Variants in ZZEF1 observed in about 807,000 individuals in gnomAD.
ZZEF1 encodes the protein zinc finger ZZ-type and EF-hand domain-containing protein 1.
In ZZEF1, 157 loss-of-function variants were observed where a neutral mutation model predicts 342.8. The ratio of observed to expected loss-of-function variants is 0.46; its 90% CI spans 0.40 to 0.52. ZZEF1 has a LOEUF of 0.52. Among genes scored for constraint, ZZEF1 ranks in the 20% least tolerant of loss-of-function variants. The pLI, the probability that ZZEF1 is intolerant of heterozygous loss-of-function variation, is 0.00. For synonymous variants in ZZEF1, 1,505 were observed against 1,429.1 expected (o/e 1.05, Z -1.20); for missense variants, 3,480 against 3,725.6 (o/e 0.93, Z 1.72).
intron 30 of ZZEF1, among the ~76,000 whole-genome samples, chr17:4,060,958 C>T (rs578236289): frequency 6.6e-6 from 1 of 152,346 alleles, no homozygotes; most frequent in East Asian, 1.9e-4. Flanking sequence ...TTCCCACCAA[C>T]ACACAGAAGT....
At chr17:4,111,431 G>A (rs201502461) in intron 5 of ZZEF1, among the ~76,000 whole-genome samples, 4 of 152,050 alleles carry the variant, frequency 2.6e-5, no homozygotes, top group East Asian at 1.9e-4. Flanking sequence ...AGGCCGAGGC[G>A]GGCGGATCAT....
In ZZEF1 at chr17:4,009,688, A is replaced by T. The variant is rs2055895241; in HGVS notation, c.8649T>A (p.Phe2883Leu). 1 of 1,613,984 alleles carries T rather than the reference A, an allele frequency of 6.2e-7. No individual in the cohort carries two copies. The highest frequency in any genetic ancestry group is 8.5e-7 in the Non-Finnish European group (1 of 1,180,026). Residue 2883 changes from phenylalanine (F) to leucine (L), a missense_variant, in exon 53 of 55, where the codon TTT (phenylalanine) becomes TTA (leucine). Phe to Leu is a conservative substitution (Grantham distance 22). Around this residue, in one of 5 missense-constraint regions of ZZEF1, gnomAD observed 1,269 missense variants for 1,342.4 expected, o/e 0.95. Coordinates refer to ENST00000381638, the MANE Select transcript of ZZEF1 (RefSeq NM_015113.4). The part of the protein sequence containing the change: ...QLFTHMEYGL[F>L]EDVTQPGILL... ...GGATGCCGGGCTGCGTCACGTCCTC[A>T]AACAGGCCGTACTCCATGTGGGTAA...
intron 5 of ZZEF1, among the ~76,000 whole-genome samples, chr17:4,111,430 C>G (rs944254624): frequency 6.6e-6 from 1 of 152,008 alleles, no homozygotes; most frequent in Non-Finnish European, 1.5e-5. Flanking sequence ...AAGGCCGAGG[C>G]GGGCGGATCA....
chr17:4,128,580 C>T (rs1344211716), intron 1 of ZZEF1, among the ~76,000 whole-genome samples: 8 of 151,328 alleles, frequency 5.3e-5, no homozygotes. Context: ...CTGCCTCAGC[C>T]TCCCGAGTAG....
chr17:4,111,744 T>C (rs915712094), intron 5 of ZZEF1, among the ~76,000 whole-genome samples: 1 of 133,242 alleles, frequency 7.5e-6, no homozygotes, highest in African/African-American at 2.9e-5. Context: ...TATAAAAACA[T>C]ATTTTATATA....
At chr17:4,087,007 A>T (rs1276040276) in intron 14 of ZZEF1, among the ~76,000 whole-genome samples, 1 of 152,044 alleles carries the variant, frequency 6.6e-6, no homozygotes, top group African/African-American at 2.4e-5. Flanking sequence ...TCAGCCTCCC[A>T]AGTAGCTGAG....
chr17:4,066,413 G>T (rs2057397235), intron 28 of ZZEF1, 34 bp downstream of exon 28: 1 of 1,602,698 alleles, frequency 6.2e-7, no homozygotes, highest in Non-Finnish European at 8.5e-7. Flanking sequence ...AAAACAGAAG[G>T]CTCAGGGACA....
intron 45 of ZZEF1, chr17:4,020,030 A>G (rs1017425093): frequency 1.6e-5 from 6 of 372,582 alleles, no homozygotes; most frequent in Non-Finnish European, 2.9e-5. Context: ...ACAAAATACA[A>G]TGCTGACAGT....
rs930995349 is a variant in ZZEF1 at position 4,056,082 on chromosome 17, G to A, written c.5295+134C>T. 4.1e-6 allele frequency: 4 copies of A among 980,148 alleles called. No homozygotes were observed. The South Asian group carries it at 1.3e-4, about 31-fold the overall frequency. The allele number at this position is 980,148 out of a possible 1,614,324, so 60.7% of individuals were successfully genotyped here. A position where few individuals can be genotyped will look rare whatever the true frequency, so the allele number is the denominator to read the frequency against. On this transcript the variant is annotated intron_variant, in intron 33 of 54. Transcript: ENST00000381638. ...GCATTCGGTCGCATTCAGCGGTTGG[G>A]GACCCCTTCACTAGGGTATTGAATG... is the stretch of plus-strand genomic sequence containing the variant.
At chr17:4,069,448 T>C (rs1249833734) in intron 26 of ZZEF1, among the ~76,000 whole-genome samples, 1 of 152,152 alleles carries the variant, frequency 6.6e-6, no homozygotes, top group Non-Finnish European at 1.5e-5. Flanking sequence ...GGGGATGTAA[T>C]CAAGATGTTT....
At position 4,075,157 on chromosome 17, in the gene ZZEF1, G is replaced by A. The variant is rs373417221; in HGVS notation, c.3423C>T (p.Thr1141=). 13 of 1,614,018 alleles carry A rather than the reference G, an allele frequency of 8.1e-6. No individual in the cohort carries two copies. Among genetic ancestry groups the A allele is most frequent in the East Asian group, 6.7e-5 (3 of 44,900 alleles). ...TEKRYDYLEF[T]DARGRKTRYD... ...AGCGTGTTTTCCGACCTCTAGCGTC[G>A]GTAAATTCCAGATAATCATACCTGT... is the stretch of plus-strand genomic sequence containing the variant. Residue 1141 remains threonine (T), a synonymous_variant, in exon 23 of 55, where the codon ACC becomes ACT. Transcript: ENST00000381638.
At chr17:4,071,222 A>G in intron 25 of ZZEF1, 1 of 292,484 alleles carries the variant, frequency 3.4e-6, no homozygotes, top group Non-Finnish European at 6.3e-6. Flanking sequence ...AGGTTAAAGT[A>G]ATTAAGAAAA....
At chr17:4,028,318 G>A (rs999793722) in intron 42 of ZZEF1, among the ~76,000 whole-genome samples, 127 of 152,232 alleles carry the variant, frequency 8.3e-4, no homozygotes, top group African/African-American at 3.0e-3. Flanking sequence ...GGAGGCCAAG[G>A]CAGGCGAATC....
Position 4,032,169 on chromosome 17 carries a change from G to A in ZZEF1, c.6849C>T (p.Asn2283=), listed in dbSNP as rs2056563043. Residue 2283 remains asparagine, a synonymous_variant, in exon 42 of 55, where the codon AAC becomes AAT. Coordinates refer to ENST00000381638, the MANE Select transcript of ZZEF1 (RefSeq NM_015113.4). ...TTTTGACATCAACAATCACAGCCCTGTTCTTCTCAGTAAAGTGCTTCAAGA... is the reference window on the plus strand; with the variant it reads ...TTTTGACATCAACAATCACAGCCCTATTCTTCTCAGTAAAGTGCTTCAAGA... ...VIILKHFTEK[N]RAVIVDVKTR... is the part of the protein sequence containing the mutation. 6.2e-7 allele frequency: 1 copy of A among 1,613,956 alleles called. No individual in the cohort carries two copies. Among genetic ancestry groups the A allele is most frequent in the East Asian group, 2.2e-5 (1 of 44,876 alleles).
chr17:4,073,468 G>C (rs1437914788), intron 24 of ZZEF1, among the ~76,000 whole-genome samples: 1 of 152,152 alleles, frequency 6.6e-6, no homozygotes, highest in Admixed American at 6.5e-5. Context: ...GTCTCTCTCT[G>C]TTACCCAGAC....
At chr17:4,090,569 T>C (rs1390948887) in intron 12 of ZZEF1, 150 bp downstream of exon 12, 2 of 647,030 alleles carry the variant, frequency 3.1e-6, no homozygotes, top group East Asian at 5.5e-5. Context: ...CACACTGTCT[T>C]ACACATCTGT....
intron 16 of ZZEF1, among the ~76,000 whole-genome samples, chr17:4,082,755 T>C (rs990523276): frequency 6.6e-6 from 1 of 152,136 alleles, no homozygotes; most frequent in African/African-American, 2.4e-5. Context: ...GTTTCCTGCT[T>C]AGGGAAATGA....
intron 42 of ZZEF1, among the ~76,000 whole-genome samples, chr17:4,027,476 G>A (rs7208181): frequency 0.24 from 36,105 of 150,550 alleles, 4,622 homozygotes; most frequent in African/African-American, 0.32. Flanking sequence ...TGTATTTTTA[G>A]TAGAGACGGG....
chr17:4,087,817 C>CACACACAT (rs2057865799), intron 13 of ZZEF1, among the ~76,000 whole-genome samples: 1 of 150,554 alleles, frequency 6.6e-6, no homozygotes, highest in Non-Finnish European at 1.5e-5. Context: ...CACACACACA[C>CACACACAT]ACACACACAT....
Sources: gnomAD v4.1 joint callset for allele counts (sites outside exome capture counted in the v4.1 genomes callset) on GRCh38, gnomAD v4.1.1 for gene constraint, gnomAD v4.1.1 regional missense constraint, MANE v1.5 for transcripts, NCBI Gene and HGNC (gene_info 2026-07-23, HGNC 2026-07-21) for gene names.